Variants in ABCC9 observed in about 807,000 individuals in gnomAD.
The protein encoded by ABCC9 is ATP binding cassette subfamily C member 9.
A neutral mutation model predicts 188.3 loss-of-function variants in ABCC9; 95 were observed. The observed-to-expected ratio is 0.50, with a 90% CI of 0.43 to 0.60. The LOEUF (loss-of-function observed/expected upper bound fraction) is 0.60. Ranked by LOEUF, ABCC9 falls within the 20% of genes least tolerant of loss-of-function variation. ABCC9 has a pLI of 0.00. For missense variants in ABCC9, 1,102 were observed against 1,876.3 expected (o/e 0.59, Z 7.62); for synonymous variants, 659 against 652.7 (o/e 1.01, Z -0.15).
chr12:21,900,430 C>T (rs1424241083), intron 12 of ABCC9, among the ~76,000 whole-genome samples: 2 of 152,172 alleles, frequency 1.3e-5, no homozygotes, highest in East Asian at 3.8e-4. Flanking sequence ...AACGCAGCTC[C>T]TCACCAGCAA....
rs1361954865 is a variant in ABCC9, at chr12:21,894,258, C to A, written c.1660-84G>T. On this transcript the variant is annotated intron_variant, in intron 13 of 39. Coordinates refer to ENST00000261200, the MANE Select transcript of ABCC9 (RefSeq NM_020297.4). ...TTCAGTCCTAGAAACCTAACATATT[C>A]TGCTATGCCAGTATGTCCATTGTAA... 7 of 1,443,584 alleles carry A rather than the reference C, an allele frequency of 4.8e-6. No individual in the cohort carries two copies. The Admixed American group carries it at 1.2e-4, about 24-fold the overall frequency. 89.4% of individuals were successfully genotyped at this position (1,443,584 alleles called of 1,614,324 possible).
chr12:21,889,020 T>G (rs1231226969), intron 14 of ABCC9, among the ~76,000 whole-genome samples: 1 of 152,300 alleles, frequency 6.6e-6, no homozygotes, highest in East Asian at 1.9e-4. Context: ...TTTAAAAATT[T>G]TATTTGAACT....
At chr12:21,922,141 G>T (rs532980415) in intron 5 of ABCC9, among the ~76,000 whole-genome samples, 161 of 152,044 alleles carry the variant, frequency 1.1e-3, no homozygotes, top group African/African-American at 3.7e-3. Context: ...CATTAAATCT[G>T]TAGATTGCTT....
In ABCC9 at chr12:21,863,072, A is replaced by G; in HGVS notation, c.2238-18T>C. On this transcript the variant is annotated intron_variant, in intron 19 of 39. Transcript: ENST00000261200. The stretch of plus-strand genomic sequence containing the variant: ...TGTTCCTACTGAAAAATGAAAAAGA[A>G]AAAAAAAAACACCAGGATTATGCAA... 7.1e-7 allele frequency: 1 copy of G among 1,418,138 alleles called. No homozygotes were observed. The highest frequency in any genetic ancestry group is 9.5e-7 in the Non-Finnish European group (1 of 1,053,060). The allele number at this position is 1,418,138 out of a possible 1,614,324, so 87.8% of individuals were successfully genotyped here.
At chr12:21,836,860 A>T (rs1426393756) in intron 30 of ABCC9, among the ~76,000 whole-genome samples, 1 of 152,214 alleles carries the variant, frequency 6.6e-6, no homozygotes, top group Non-Finnish European at 1.5e-5. Context: ...AAGATGATTT[A>T]AAATACTCAG....
In ABCC9 at chr12:21,812,141, A is replaced by G. The variant is rs1249839736; in HGVS notation, c.4119T>C (p.Asp1373=). The G allele has an allele frequency of 5.0e-6, 8 of 1,609,886 alleles. No individual in the cohort carries two copies. Among genetic ancestry groups the G allele is most frequent in the Non-Finnish European group, 6.0e-6 (7 of 1,176,314 alleles). The change falls in exon 36 of 40, where the codon GAT becomes GAC. Residue 1373 remains aspartate (D), a synonymous_variant. Coordinates refer to ENST00000261200, the MANE Select transcript of ABCC9 (RefSeq NM_020297.4). ...VDIFDGKIVI[D]GIDISKLPLH... ...GTGGTAATTTGGAAATGTCTATCCC[A>G]TCAATGACAATTTTTCCTGTTAAGG...
chr12:21,915,401 TGTGTATATAGACAC>T (rs1364431194), intron 7 of ABCC9, among the ~76,000 whole-genome samples: 1 of 133,356 alleles, frequency 7.5e-6, no homozygotes, highest in Non-Finnish European at 1.6e-5. Context: ...TATATATGTA[TGTGTATATAGACAC>T]GTGTATATAT....
At position 21,799,767 on chromosome 12, in the gene ABCC9, A is replaced by C. The variant is rs1309480957; in HGVS notation, c.*1277T>G. ...ACAATGCATGTGGATCTTCATATGAAAAAGAAATCAATGATATTGACACTG... is the reference window on the plus strand; with the variant it reads ...ACAATGCATGTGGATCTTCATATGACAAAGAAATCAATGATATTGACACTG... On this transcript the variant is annotated 3_prime_UTR_variant, in exon 40 of 40. Coordinates refer to ENST00000261200, the MANE Select transcript of ABCC9 (RefSeq NM_020297.4). 6.6e-6 allele frequency: 1 copy of C among 152,210 alleles called. No homozygotes were observed. Among genetic ancestry groups the C allele is most frequent in the African/African-American group, 2.4e-5 (1 of 41,460 alleles). 9.4% of individuals were successfully genotyped at this position (152,210 alleles called of 1,614,324 possible). A position where few individuals can be genotyped will look rare whatever the true frequency, so the allele number is the denominator to read the frequency against.
At chr12:21,832,877 G>A (rs1011226409) in intron 30 of ABCC9, among the ~76,000 whole-genome samples, 2 of 152,158 alleles carry the variant, frequency 1.3e-5, no homozygotes, top group African/African-American at 4.8e-5. Flanking sequence ...CAGCCTAAAT[G>A]CCCATTAACC....
intron 1 of ABCC9, 142 bp from the exon 2 acceptor site, chr12:21,940,967 G>A (rs1026926435): frequency 1.3e-5 from 2 of 152,138 alleles, no homozygotes; most frequent in African/African-American, 4.8e-5. Flanking sequence ...ATTTGAGTAG[G>A]AGACGGCAGT....
chr12:21,894,755 C>T (rs1212874125), intron 13 of ABCC9, among the ~76,000 whole-genome samples: 1 of 152,152 alleles, frequency 6.6e-6, no homozygotes, highest in South Asian at 2.1e-4. Context: ...GGACTACAGG[C>T]ATGCGCCATC....
intron 26 of ABCC9, 98 bp from the exon 27 acceptor site, chr12:21,845,013 TC>T: frequency 6.9e-7 from 1 of 1,452,870 alleles, no homozygotes; most frequent in Non-Finnish European, 9.5e-7. Context: ...ATTGTTTTCT[TC>T]ATTATTTTGC....
chr12:21,868,084 ATTT>A (rs1565759229), intron 18 of ABCC9, among the ~76,000 whole-genome samples: 1 of 152,164 alleles, frequency 6.6e-6, no homozygotes, highest in Non-Finnish European at 1.5e-5. Context: ...CATTCTGACA[ATTT>A]TGGAGAATTT....
At chr12:21,887,013 T>A (rs1448474059) in intron 15 of ABCC9, among the ~76,000 whole-genome samples, 1 of 152,166 alleles carries the variant, frequency 6.6e-6, no homozygotes, top group East Asian at 1.9e-4. Context: ...GAAACTATGT[T>A]ACTGTTTTAA....
At chr12:21,910,776 T>A (rs559906635) in intron 9 of ABCC9, 50 bp downstream of exon 9, 1 of 1,520,030 alleles carries the variant, frequency 6.6e-7, no homozygotes, top group Non-Finnish European at 9.1e-7. Flanking sequence ...TTTCACTGAA[T>A]GGTATATAGC....
rs980556388 is a variant in ABCC9 at position 21,805,351 on chromosome 12, A to G, written c.4512+647T>C. On this transcript the variant is annotated intron_variant, in intron 39 of 39. Transcript: ENST00000261200. ...AGAAAAGAAGAGAATCAGCAGAAGGAAAAATGTCCAAGTGACTCATTAAAA... is the reference window on the plus strand; with the variant it reads ...AGAAAAGAAGAGAATCAGCAGAAGGGAAAATGTCCAAGTGACTCATTAAAA... 4 of 1,587,942 alleles carry G rather than the reference A, an allele frequency of 2.5e-6. No individual in the cohort carries two copies. The East Asian group carries it at 8.9e-5, about 36-fold the overall frequency.
chr12:21,871,643 A>G (rs1184124937), intron 18 of ABCC9, among the ~76,000 whole-genome samples: 1 of 152,194 alleles, frequency 6.6e-6, no homozygotes, highest in Non-Finnish European at 1.5e-5. Flanking sequence ...ATGAAAGAAC[A>G]TCTGTGGGTT....
intron 14 of ABCC9, among the ~76,000 whole-genome samples, chr12:21,890,016 T>A (rs376685566): frequency 1.3e-5 from 2 of 152,254 alleles, no homozygotes; most frequent in East Asian, 1.9e-4. Context: ...CAGCAAAGAT[T>A]TTCATCTTTA....
At chr12:21,909,854 C>T (rs1217401754) in intron 10 of ABCC9, among the ~76,000 whole-genome samples, 4 of 151,910 alleles carry the variant, frequency 2.6e-5, no homozygotes, top group Non-Finnish European at 5.9e-5. Context: ...ACAATTCCCA[C>T]AACTTTACGA....
Sources: allele counts gnomAD v4.1 joint callset (sites outside exome capture counted in the v4.1 genomes callset), GRCh38; gene constraint gnomAD v4.1.1; transcripts MANE v1.5; gene names NCBI Gene and HGNC (gene_info 2026-07-23, HGNC 2026-07-21).